Variants in MROH1 observed in about 807,000 individuals in gnomAD.
The protein encoded by MROH1 is maestro heat like repeat family member 1, also known as maestro heat-like repeat-containing protein family member 1.
In MROH1, 117 loss-of-function variants were observed where a neutral mutation model predicts 116.5. The observed-to-expected ratio is 1.00, with a 90% CI of 0.86 to 1.17. The LOEUF (loss-of-function observed/expected upper bound fraction) is 1.17, where lower values mean the gene tolerates loss of function less well. MROH1 is among the 50% of genes most tolerant of loss of function. The pLI is 0.00. For synonymous variants in MROH1, 921 were observed against 583.9 expected, an observed-to-expected ratio of 1.58 and a Z score of -8.32; for missense variants, 1,873 against 1,338.5, an observed-to-expected ratio of 1.40 and a Z score of -6.23.
At chr8:144,184,402 C>A (rs976421616) in intron 7 of MROH1, among the ~76,000 whole-genome samples, 1 of 152,138 alleles carries the variant, frequency 6.6e-6, no homozygotes, top group South Asian at 2.1e-4. Flanking sequence ...GTTACAGTCA[C>A]AAAGCACACA....
rs140792030 is a variant in MROH1, at chr8:144,163,011, C to T, written c.-56-760C>T. On this transcript the variant is annotated intron_variant, in intron 2 of 43. Transcript: ENST00000326134. The surrounding 1 kb of genome is among the most constrained non-coding windows in gnomAD (Gnocchi z 4.4). ...GTGCTGGATTACAGGCATGAGCCAT[C>T]GCTCTTGGCCAAGATTTCTATGATT... Among the ~76,000 whole-genome samples the T allele has an allele frequency of 2.0e-5, 3 of 152,376 alleles. No homozygotes were observed. Among genetic ancestry groups the T allele is most frequent in the Admixed American group, 1.3e-4 (2 of 15,306 alleles).
At chr8:144,253,474 T>C (rs898938390) in intron 33 of MROH1, among the ~76,000 whole-genome samples, 15 of 152,180 alleles carry the variant, frequency 9.9e-5, no homozygotes, top group Non-Finnish European at 1.9e-4. Flanking sequence ...GGGCACAGGT[T>C]GGCTTGGCTG....
chr8:144,239,898 G>T (rs981378092), intron 18 of MROH1, 143 bp downstream of exon 18: 1 of 673,258 alleles, frequency 1.5e-6, no homozygotes, highest in Non-Finnish European at 2.7e-6. Flanking sequence ...GGAAAATACA[G>T]TCTCCCCTGT....
intron 8 of MROH1, 68 bp downstream of exon 8, chr8:144,191,003 G>T: frequency 6.6e-7 from 1 of 1,514,928 alleles, no homozygotes; most frequent in Non-Finnish European, 8.9e-7. Flanking sequence ...TTCCCTGCCC[G>T]TGGCAAATTG....
Position 144,163,966 on chromosome 8 carries a change from G to A in MROH1, c.22+118G>A, listed in dbSNP as rs979867302. 4.8e-5 allele frequency: 51 copies of A among 1,069,916 alleles called. No homozygotes were observed. Among genetic ancestry groups the A allele is most frequent in the African/African-American group, 1.6e-4 (10 of 63,252 alleles). The allele number at this position is 1,069,916 out of a possible 1,614,324, so 66.3% of individuals were successfully genotyped here. On this transcript the variant is annotated intron_variant, in intron 3 of 43. Coordinates refer to ENST00000326134, the MANE Select transcript of MROH1 (RefSeq NM_032450.3). This position sits in a 1 kb window ranked among gnomAD's most constrained non-coding sequence, Gnocchi z 4.4. ...TGCCTAGAGTTTCCACCCTATACTC[G>A]GGAGCCTGAGTGGGTTCTGGGCAGG...
intron 40 of MROH1, 31 bp from the exon 41 acceptor site, chr8:144,260,876 C>T (rs1844911546): frequency 6.4e-6 from 5 of 777,570 alleles, no homozygotes; most frequent in African/African-American, 5.1e-5. Flanking sequence ...GTGGCCTCAA[C>T]TGGACTTGGC....
Position 144,260,665 on chromosome 8 carries a change from T to C in MROH1, c.4381-12T>C, listed in dbSNP as rs1844868670. ...AGCCTGTGAGGAGACGTATGCTGCA[T>C]GTCCTTCCCAGGAGAAGATGGAGTT... is the stretch of plus-strand genomic sequence containing the variant. On this transcript the variant is annotated splice_polypyrimidine_tract_variant and intron_variant, in intron 39 of 43. Transcript: ENST00000326134. 3 of 778,194 alleles carry C rather than the reference T, an allele frequency of 3.9e-6. No individual in the cohort carries two copies. The highest frequency in any genetic ancestry group is 3.4e-5 in the Admixed American group (2 of 59,012). The allele number at this position is 778,194 out of a possible 1,614,324, so 48.2% of individuals were successfully genotyped here.
rs934948180 is a variant in MROH1, at chr8:144,153,248, G to A, written c.-177+5172G>A. Among the ~76,000 whole-genome samples, 19 of 151,956 alleles carry A rather than the reference G, an allele frequency of 1.3e-4. No homozygotes were observed. The East Asian group carries it at 3.7e-3, about 29-fold the overall frequency. ...TTTCACTCTTGTTGCCCAGGCTGAA[G>A]TGTAATGGCTCGATCTCGGCTCACT... On this transcript the variant is annotated intron_variant, in intron 1 of 43. Coordinates refer to ENST00000326134, the MANE Select transcript of MROH1 (RefSeq NM_032450.3).
Position 144,244,240 on chromosome 8 carries a change from G to C in MROH1, c.2574G>C (p.Leu858=). ...CTYLVSVEPA[L]DEQARADVIH... ...CTCTCAGCTCCGTGGAGCCAGCGCT[G>C]GACGAGCAGGCCCGGGCGGATGTGA... The change falls in exon 27 of 44, where the codon CTG becomes CTC. Residue 858 remains leucine (L), a synonymous_variant. Transcript: ENST00000326134. 1 of 718,102 alleles carries C rather than the reference G, an allele frequency of 1.4e-6. No homozygotes were observed. Among genetic ancestry groups the C allele is most frequent in the Non-Finnish European group, 2.6e-6 (1 of 384,962 alleles). The allele number at this position is 718,102 out of a possible 1,614,324, so 44.5% of individuals were successfully genotyped here. A position where few individuals can be genotyped will look rare whatever the true frequency, so the allele number is the denominator to read the frequency against.
Position 144,190,768 on chromosome 8 carries a change from C to T in MROH1, c.563-16C>T. ...ACCCATGGCCTGCAGCCACTTACCA[C>T]TGGCCGGTTTTGTAGCTCTGCAGCG... is the stretch of plus-strand genomic sequence containing the variant. On this transcript the variant is annotated splice_polypyrimidine_tract_variant and intron_variant, in intron 7 of 43. Coordinates refer to ENST00000326134, the MANE Select transcript of MROH1 (RefSeq NM_032450.3). 2 of 1,610,598 alleles carry T rather than the reference C, an allele frequency of 1.2e-6. No individual in the cohort carries two copies. The highest frequency in any genetic ancestry group is 1.7e-6 in the Non-Finnish European group (2 of 1,177,644).
In MROH1 at chr8:144,180,066, G is replaced by A; in HGVS notation, c.301-112G>A. ...CTGTGCCCGCCACCTTCCCTGACCT[G>A]CACTTTCTGGGGACGCTGAAAACAG... On this transcript the variant is annotated intron_variant, in intron 5 of 43. Transcript: ENST00000326134. The surrounding 1 kb of genome is among the most constrained non-coding windows in gnomAD (Gnocchi z 7.4). 7.3e-7 allele frequency: 1 copy of A among 1,369,620 alleles called. No individual in the cohort carries two copies. The allele number at this position is 1,369,620 out of a possible 1,614,324, so 84.8% of individuals were successfully genotyped here. A position where few individuals can be genotyped will look rare whatever the true frequency, so the allele number is the denominator to read the frequency against.
At chr8:144,172,693 G>A (rs563082525) in intron 4 of MROH1, among the ~76,000 whole-genome samples, 91 of 152,230 alleles carry the variant, frequency 6.0e-4, no homozygotes, top group African/African-American at 2.1e-3. Flanking sequence ...ACAGGTGCGA[G>A]CCACCGTGCC....
At chr8:144,208,191 G>A (rs1234028520) in intron 12 of MROH1, among the ~76,000 whole-genome samples, 4 of 152,018 alleles carry the variant, frequency 2.6e-5, no homozygotes, top group East Asian at 1.9e-4. Flanking sequence ...TGATCCGCCC[G>A]CCTCGGCCTC....
chr8:144,249,883 G>A (rs1229895980), intron 32 of MROH1, among the ~76,000 whole-genome samples: 2 of 152,196 alleles, frequency 1.3e-5, no homozygotes, highest in South Asian at 2.1e-4. Flanking sequence ...CCCAGCAGGC[G>A]TGCTGTGAGG....
intron 11 of MROH1, 134 bp downstream of exon 11, chr8:144,199,334 G>C (rs1830595331): frequency 1.1e-6 from 1 of 873,112 alleles, no homozygotes; most frequent in South Asian, 1.6e-5. Flanking sequence ...CCTCTCCTGG[G>C]CCTACCTGTG....
At chr8:144,248,187 C>G (rs1178040949) in intron 31 of MROH1, among the ~76,000 whole-genome samples, 4 of 152,210 alleles carry the variant, frequency 2.6e-5, no homozygotes, top group Non-Finnish European at 5.9e-5. Flanking sequence ...CTACTGCCAT[C>G]TGAAGGGAGG....
At chr8:144,239,224 TCCCCACTCCTGC>T in intron 16 of MROH1, 45 bp downstream of exon 16, 2 of 744,058 alleles carry the variant, frequency 2.7e-6, no homozygotes, top group Non-Finnish European at 2.5e-6. Context: ...TGCCCCCACT[TCCCCACTCCTGC>T]CCCCACTTCC....
At chr8:144,191,005 G>T in intron 8 of MROH1, 70 bp downstream of exon 8, 1 of 1,515,944 alleles carries the variant, frequency 6.6e-7, no homozygotes, top group South Asian at 1.2e-5. Context: ...CCCTGCCCGT[G>T]GCAAATTGAT....
chr8:144,206,886 T>TCA (rs1832940690), intron 12 of MROH1, among the ~76,000 whole-genome samples: 2 of 151,012 alleles, frequency 1.3e-5, no homozygotes, highest in African/African-American at 4.9e-5. Context: ...TACAAAAAAA[T>TCA]GCCAGGTGTG....
Sources: gnomAD v4.1 joint callset for allele counts (sites outside exome capture counted in the v4.1 genomes callset) on GRCh38, gnomAD v4.1.1 for gene constraint, Gnocchi (gnomAD v3.1) non-coding constraint, MANE v1.5 for transcripts, NCBI Gene and HGNC (gene_info 2026-07-23, HGNC 2026-07-21) for gene names.